The following NIPBL variants were observed in gnomAD, a reference collection of about 807,000 sequenced individuals.
NIPBL encodes the protein NIPBL cohesin loading factor, also known as nipped-B-like protein.
A neutral mutation model predicts 321.8 loss-of-function variants in NIPBL; 19 were observed. The ratio of observed to expected loss-of-function variants is 0.06; its 90% CI spans 0.04 to 0.09. The LOEUF is 0.09. Among genes scored for constraint, NIPBL ranks in the 10% least tolerant of loss-of-function variants. NIPBL has a pLI of 1.00. For missense variants in NIPBL, 2,210 were observed against 3,327.0 expected, an observed-to-expected ratio of 0.66 and a Z score of 8.26; for synonymous variants, 1,106 against 1,114.1, an observed-to-expected ratio of 0.99 and a Z score of 0.14.
intron 19 of NIPBL, 143 bp downstream of exon 19, chr5:37,008,231 A>G (rs1461324115): frequency 4.7e-6 from 3 of 636,472 alleles, no homozygotes; most frequent in African/African-American, 3.7e-5. Context: ...ACTAAGTCTT[A>G]TTAGACTTTA....
At chr5:37,020,711 T>G in intron 26 of NIPBL, 38 bp downstream of exon 26, 1 of 1,599,188 alleles carries the variant, frequency 6.3e-7, no homozygotes, top group South Asian at 1.1e-5. Context: ...ATTTATCTCC[T>G]TGATATCTAT....
Position 36,986,316 on chromosome 5 carries a change from A to G in NIPBL, c.3121+15A>G, listed in dbSNP as rs771043713. ...GTCAAATAAAGGTAAGAATACTTCT[A>G]CTGATGTCATTTATAATATAATCGA... On this transcript the variant is annotated intron_variant, in intron 10 of 46. Coordinates refer to ENST00000282516, the MANE Select transcript of NIPBL (RefSeq NM_133433.4). The G allele has an allele frequency of 2.1e-6, 3 of 1,438,708 alleles. No individual in the cohort carries two copies. The highest frequency in any genetic ancestry group is 1.4e-5 in the African/African-American group (1 of 70,300). 89.1% of individuals were successfully genotyped at this position (1,438,708 alleles called of 1,614,324 possible). A position where few individuals can be genotyped will look rare whatever the true frequency, so the allele number is the denominator to read the frequency against.
chr5:37,025,705 C>T (rs185234963), intron 30 of NIPBL, among the ~76,000 whole-genome samples: 2 of 152,066 alleles, frequency 1.3e-5, no homozygotes, highest in East Asian at 1.9e-4. Flanking sequence ...GTGCTTGAGG[C>T]GATGGATACC....
intron 34 of NIPBL, among the ~76,000 whole-genome samples, chr5:37,043,101 TAAAG>T (rs1752615034): frequency 6.6e-6 from 1 of 151,902 alleles, no homozygotes; most frequent in Non-Finnish European, 1.5e-5. Context: ...AAATTTAAAA[TAAAG>T]AAGTCCTAGG....
At chr5:37,013,693 G>A (rs1748538840) in intron 21 of NIPBL, among the ~76,000 whole-genome samples, 3 of 151,996 alleles carry the variant, frequency 2.0e-5, no homozygotes, top group Admixed American at 2.0e-4. Context: ...ATGGGATGGC[G>A]GCCGGGCAGA....
At chr5:36,882,313 G>A (rs1463600824) in intron 1 of NIPBL, among the ~76,000 whole-genome samples, 2 of 151,902 alleles carry the variant, frequency 1.3e-5, no homozygotes, top group Non-Finnish European at 2.9e-5. Context: ...TTTGTAATAT[G>A]TAGTATTATT....
rs917801470 is a variant in NIPBL at position 37,044,817 on chromosome 5, C to T, written c.6343+88C>T. The T allele has an allele frequency of 8.8e-6, 8 of 913,752 alleles. No individual in the cohort carries two copies. In the African/African-American group the frequency reaches 9.9e-5, roughly 11 times the overall value. 56.6% of individuals were successfully genotyped at this position (913,752 alleles called of 1,614,324 possible). ...TAAACACATTTGATAAAAGGCTAGA[C>T]TCGAGGAAATTATGAGGTGTGATTA... On this transcript the variant is annotated intron_variant, in intron 36 of 46. Coordinates refer to ENST00000282516, the MANE Select transcript of NIPBL (RefSeq NM_133433.4).
intron 8 of NIPBL, among the ~76,000 whole-genome samples, chr5:36,974,361 A>G (rs1388320093): frequency 6.6e-6 from 1 of 152,180 alleles, no homozygotes. Context: ...TTTTTAGATT[A>G]ATTATTAGAA....
rs561250622 is a variant in NIPBL, at chr5:36,891,200, G to A, written c.-80+14022G>A. On this transcript the variant is annotated intron_variant, in intron 1 of 46. Transcript: ENST00000282516. ...GAACGGCATGAACCCGGGAGGCAGA[G>A]CTTGCAGTGAGCCAAGATAGCACCA... 6.6e-5 allele frequency among the ~76,000 whole-genome samples: 10 copies of A among 152,260 alleles called. No individual in the cohort carries two copies. The East Asian group carries it at 1.9e-3, about 29-fold the overall frequency.
chr5:36,915,431 T>G (rs560899798), intron 1 of NIPBL, among the ~76,000 whole-genome samples: 1 of 152,256 alleles, frequency 6.6e-6, no homozygotes, highest in African/African-American at 2.4e-5. Flanking sequence ...CCTGCACACT[T>G]CTTTTTATTG....
At chr5:36,955,748 T>A (rs887725642) in intron 3 of NIPBL, 111 bp downstream of exon 3, 7 of 806,090 alleles carry the variant, frequency 8.7e-6, no homozygotes, top group South Asian at 1.5e-5. Flanking sequence ...GTTTATTTTT[T>A]AAAAATATCC....
At chr5:37,028,117 C>G (rs762066662) in intron 32 of NIPBL, among the ~76,000 whole-genome samples, 8 of 151,822 alleles carry the variant, frequency 5.3e-5, no homozygotes, top group Non-Finnish European at 8.8e-5. Flanking sequence ...AGTACAGAGT[C>G]AAACCACAAC....
rs750120861 is a variant in NIPBL at position 37,064,614 on chromosome 5, A to G, written c.8137A>G (p.Ile2713Val). 6.2e-7 allele frequency: 1 copy of G among 1,614,026 alleles called. No individual in the cohort carries two copies. The highest frequency in any genetic ancestry group is 8.5e-7 in the Non-Finnish European group (1 of 1,180,036). Reference protein sequence around the residue: ...ESVDVMDVIAICCPKYKDRPQ... With the variant: ...ESVDVMDVIAVCCPKYKDRPQ... ...TGTTGACGTCATGGATGTCATCGCT[A>G]TTTGCTGTCCAAAGTACAAAGATCG... Residue 2713 changes from isoleucine to valine, a missense_variant, in exon 47 of 47, where the codon ATT (isoleucine) becomes GTT (valine). Coordinates refer to ENST00000282516, the MANE Select transcript of NIPBL (RefSeq NM_133433.4).
rs550718505 is a variant in NIPBL at position 37,045,215 on chromosome 5, G to A, written c.6344-228G>A. On this transcript the variant is annotated intron_variant, in intron 36 of 46. Transcript: ENST00000282516. ...CTAAAAATACAAAAATTTGCCAGGC[G>A]TGGTGGCACACGACTGTAATCCCAG... Among the ~76,000 whole-genome samples, 12 of 152,130 alleles carry A rather than the reference G, an allele frequency of 7.9e-5. No individual in the cohort carries two copies. In the South Asian group the frequency reaches 8.3e-4, roughly 11 times the overall value.
intron 33 of NIPBL, among the ~76,000 whole-genome samples, chr5:37,037,683 C>G (rs546926140): frequency 6.9e-6 from 1 of 145,820 alleles, no homozygotes; most frequent in South Asian, 2.1e-4. Context: ...CTCCTTGTTC[C>G]GTTTTTTTAT....
chr5:36,887,938 A>C (rs1746039718), intron 1 of NIPBL, among the ~76,000 whole-genome samples: 1 of 152,178 alleles, frequency 6.6e-6, no homozygotes, highest in Admixed American at 6.5e-5. Flanking sequence ...TGTTTTCACT[A>C]TCAACTCATT....
Position 37,021,858 on chromosome 5 carries a change from G to A in NIPBL, c.5329-193G>A, listed in dbSNP as rs551068151. On this transcript the variant is annotated intron_variant, in intron 27 of 46. Transcript: ENST00000282516. Reference sequence around the variant, plus strand: ...GGATAAACGAAAGGCTCCAAAGTATGGACTATACACTTAACACCTGTACTG... The same window carrying A: ...GGATAAACGAAAGGCTCCAAAGTATAGACTATACACTTAACACCTGTACTG... Among the ~76,000 whole-genome samples, 5 of 152,190 alleles carry A rather than the reference G, an allele frequency of 3.3e-5. No homozygotes were observed. The South Asian group carries it at 8.3e-4, about 25-fold the overall frequency.
chr5:37,061,087 G>C, intron 45 of NIPBL, 69 bp downstream of exon 45: 1 of 1,147,400 alleles, frequency 8.7e-7, no homozygotes, highest in Middle Eastern at 2.1e-4. Flanking sequence ...TGGGGGGCCG[G>C]TGGGGAGATA....
intron 1 of NIPBL, among the ~76,000 whole-genome samples, chr5:36,908,938 C>G (rs1028738384): frequency 3.9e-5 from 6 of 152,136 alleles, no homozygotes; most frequent in African/African-American, 1.4e-4. Context: ...CTTTACAGAG[C>G]TATTATTTTA....
Sources: gnomAD v4.1 joint callset for allele counts (sites outside exome capture counted in the v4.1 genomes callset) on GRCh38, gnomAD v4.1.1 for gene constraint, MANE v1.5 for transcripts, NCBI Gene and HGNC (gene_info 2026-07-23, HGNC 2026-07-21) for gene names.